Variants in FBRSL1 observed in about 807,000 individuals in gnomAD.
FBRSL1 encodes fibrosin-1-like protein.
In FBRSL1, 51 loss-of-function variants were observed where a neutral mutation model predicts 89.6. That is an observed-to-expected ratio of 0.57 (90% confidence interval 0.45 to 0.72). The LOEUF (loss-of-function observed/expected upper bound fraction) is 0.72, where lower values mean the gene tolerates loss of function less well. Among genes scored for constraint, FBRSL1 ranks in the 30% least tolerant of loss-of-function variants. FBRSL1 has a pLI of 0.00. For synonymous variants in FBRSL1, 779 were observed against 681.1 expected, an observed-to-expected ratio of 1.14 and a Z score of -2.24; for missense variants, 1,618 against 1,451.8, an observed-to-expected ratio of 1.11 and a Z score of -1.86.
chr12:132,576,813 C>A lies in FBRSL1; in HGVS notation c.1716C>A (p.Asp572Glu). The A allele has an allele frequency of 1.3e-6, 2 of 1,550,798 alleles. No homozygotes were observed. Among genetic ancestry groups the A allele is most frequent in the African/African-American group, 2.7e-5 (2 of 73,134 alleles). The change falls in exon 15 of 19, where the codon GAC (aspartate) becomes GAA (glutamate). Residue 572 changes from aspartate to glutamate, a missense_variant. By Grantham distance (45) the Asp-to-Glu change is conservative. Coordinates refer to ENST00000680143, the MANE Select transcript of FBRSL1 (RefSeq NM_001367871.1). ...TATCCTCCCAGGAGATGCAGCTGGACCCCCACAAGCTGGAGGTGGGTGCAA... is the reference window on the plus strand; with the variant it reads ...TATCCTCCCAGGAGATGCAGCTGGAACCCCACAAGCTGGAGGTGGGTGCAA... ...HQQKIKEMQLDPHKLEVGAKL... is the reference protein window; with the variant it reads ...HQQKIKEMQLEPHKLEVGAKL...
Position 132,574,489 on chromosome 12 carries a change from G to T in FBRSL1, c.1630-4G>T, listed in dbSNP as rs751875705. ...CCCCACTGAGCGCTTCCATCCTGTC[G>T]CAGAAGCCGGGGAGGTGGTGTGCCG... On this transcript the variant is annotated splice_region_variant and splice_polypyrimidine_tract_variant and intron_variant, in intron 13 of 18. Transcript: ENST00000680143. The T allele has an allele frequency of 4.5e-6, 7 of 1,549,960 alleles. No individual in the cohort carries two copies. The highest frequency in any genetic ancestry group is 5.2e-6 in the Non-Finnish European group (6 of 1,146,674).
At chr12:132,573,580 A>G (rs1364992236) in intron 11 of FBRSL1, among the ~76,000 whole-genome samples, 3 of 152,178 alleles carry the variant, frequency 2.0e-5, no homozygotes, top group African/African-American at 7.2e-5. Context: ...GAGGGAAGGA[A>G]TCTGTCCCGG....
intron 1 of FBRSL1, among the ~76,000 whole-genome samples, chr12:132,501,264 A>G (rs898724008): frequency 6.6e-6 from 1 of 152,162 alleles, no homozygotes; most frequent in Middle Eastern, 3.2e-3. Context: ...GCACAGCTGG[A>G]CTAGAATTCC....
chr12:132,497,154 G>A (rs938807243), intron 1 of FBRSL1, among the ~76,000 whole-genome samples: 5 of 152,220 alleles, frequency 3.3e-5, no homozygotes, highest in Non-Finnish European at 7.3e-5. Context: ...ACGTCAAAAT[G>A]GCATAAGAAT....
chr12:132,582,856 G>T, intron 18 of FBRSL1, 115 bp from the exon 19 acceptor site: 1 of 816,740 alleles, frequency 1.2e-6, no homozygotes, highest in Non-Finnish European at 1.7e-6. Context: ...GGTGCTGAGG[G>T]GTCACCGGCC....
At position 132,508,345 on chromosome 12, in the gene FBRSL1, A is replaced by C; in HGVS notation, c.484A>C (p.Lys162Gln). ...GARKVPLQPS[K>Q]QMKVTVSKGG... ...GAGAAAGGTCCCACTGCAGCCCTCCAAGCAGGTGAGCAGGTCCCTCCCCGA... is the reference window on the plus strand; with the variant it reads ...GAGAAAGGTCCCACTGCAGCCCTCCCAGCAGGTGAGCAGGTCCCTCCCCGA... The change falls in exon 2 of 19, where the codon AAG becomes CAG. Residue 162 changes from lysine (K) to glutamine (Q), a missense_variant. Lys to Gln is a moderately conservative substitution (Grantham distance 53, BLOSUM62 1). Transcript: ENST00000680143. 1 of 1,520,716 alleles carries C rather than the reference A, an allele frequency of 6.6e-7. No individual in the cohort carries two copies. The highest frequency in any genetic ancestry group is 1.4e-5 in the African/African-American group (1 of 72,212). 94.2% of individuals were successfully genotyped at this position (1,520,716 alleles called of 1,614,324 possible).
At chr12:132,516,878 A>G (rs2034889521) in intron 2 of FBRSL1, among the ~76,000 whole-genome samples, 1 of 152,198 alleles carries the variant, frequency 6.6e-6, no homozygotes, top group Admixed American at 6.5e-5. Context: ...GGATGTTACT[A>G]AATAGTTCAT....
In FBRSL1 at chr12:132,582,146, A is replaced by C; in HGVS notation, c.2081A>C (p.His694Pro). The C allele has an allele frequency of 6.5e-7, 1 of 1,549,900 alleles. No homozygotes were observed. Among genetic ancestry groups the C allele is most frequent in the Admixed American group, 2.0e-5 (1 of 50,986 alleles). The change falls in exon 18 of 19, where the codon CAC (histidine) becomes CCC (proline). Residue 694 changes from histidine (H) to proline (P), a missense_variant. His to Pro is a moderately conservative substitution (Grantham distance 77, BLOSUM62 -2). Transcript: ENST00000680143. The part of the protein sequence containing the change: ...PSPHEAWNRL[H>P]RAPPSFPAPP... Reference sequence around the variant, plus strand: ...CCCCATGAGGCCTGGAACCGACTGCACCGGGCACCGCCCTCCTTCCCGGCT... The same window carrying C: ...CCCCATGAGGCCTGGAACCGACTGCCCCGGGCACCGCCCTCCTTCCCGGCT...
intron 5 of FBRSL1, among the ~76,000 whole-genome samples, chr12:132,549,038 A>T (rs1475809032): frequency 2.0e-5 from 3 of 151,966 alleles, no homozygotes; most frequent in East Asian, 3.9e-4. Flanking sequence ...CTCACAGCTG[A>T]GGGCCCGGTG....
At chr12:132,524,199 C>T (rs1374259411) in intron 2 of FBRSL1, among the ~76,000 whole-genome samples, 1 of 152,252 alleles carries the variant, frequency 6.6e-6, no homozygotes. Flanking sequence ...GCAGCCTGGC[C>T]AGGGCCTGTG....
chr12:132,581,885 T>G, intron 17 of FBRSL1, 61 bp downstream of exon 17: 1 of 1,435,384 alleles, frequency 7.0e-7, no homozygotes, highest in South Asian at 1.4e-5. Context: ...CATGCCTGTG[T>G]CCTCTGCAGG....
At chr12:132,503,783 A>G (rs1173397313) in intron 1 of FBRSL1, among the ~76,000 whole-genome samples, 1 of 152,184 alleles carries the variant, frequency 6.6e-6, no homozygotes, top group Non-Finnish European at 1.5e-5. Context: ...CAGACTGAAC[A>G]CAGTTGAGAG....
intron 5 of FBRSL1, chr12:132,559,955 C>T (rs928910813): frequency 6.8e-6 from 1 of 147,850 alleles, no homozygotes; most frequent in African/African-American, 2.4e-5. Context: ...GCGCTCCCGC[C>T]TCCCGCGCGC....
chr12:132,512,609 A>G (rs2034466960), intron 2 of FBRSL1, among the ~76,000 whole-genome samples: 1 of 151,958 alleles, frequency 6.6e-6, no homozygotes, highest in Non-Finnish European at 1.5e-5. Context: ...CCCTCTTTCC[A>G]CTTTCAGGCC....
rs2039931981 is a variant in FBRSL1 at position 132,570,448 on chromosome 12, A to G, written c.1121A>G (p.Gln374Arg). The part of the protein sequence containing the change: ...HLALRSQAQH[Q>R]LHAAMFAAPP... ...GCGCTCCGGTCCCAGGCGCAGCACCAGCTCCACGCGGCCATGTTTGCCGCA... is the reference window on the plus strand; with the variant it reads ...GCGCTCCGGTCCCAGGCGCAGCACCGGCTCCACGCGGCCATGTTTGCCGCA... The change falls in exon 8 of 19, where the codon CAG becomes CGG. Residue 374 changes from glutamine (Q) to arginine (R), a missense_variant. Gln to Arg is a conservative substitution (Grantham distance 43, BLOSUM62 1). Coordinates refer to ENST00000680143, the MANE Select transcript of FBRSL1 (RefSeq NM_001367871.1). 1 of 1,534,354 alleles carries G rather than the reference A, an allele frequency of 6.5e-7. No individual in the cohort carries two copies. Among genetic ancestry groups the G allele is most frequent in the Non-Finnish European group, 8.7e-7 (1 of 1,145,646 alleles).
At position 132,547,985 on chromosome 12, in the gene FBRSL1, G is replaced by A. The variant is rs1367782491; in HGVS notation, c.616-18G>A. ...GTTGGTGGGGCCCCGACTCACTTCT[G>A]TCTCTCTGTCCCTGCAGTGTGACAG... On this transcript the variant is annotated intron_variant, in intron 4 of 18. Transcript: ENST00000680143. 1.3e-6 allele frequency: 2 copies of A among 1,549,646 alleles called. No homozygotes were observed. The highest frequency in any genetic ancestry group is 1.7e-6 in the Non-Finnish European group (2 of 1,146,508).
intron 5 of FBRSL1, among the ~76,000 whole-genome samples, chr12:132,558,547 G>A (rs1310805828): frequency 1.3e-5 from 2 of 152,238 alleles, no homozygotes; most frequent in Non-Finnish European, 2.9e-5. Context: ...GTTGGTAAAG[G>A]GAGTACGTGT....
At chr12:132,526,174 G>A (rs796480229) in intron 3 of FBRSL1, among the ~76,000 whole-genome samples, 1 of 152,266 alleles carries the variant, frequency 6.6e-6, no homozygotes, top group African/African-American at 2.4e-5. Context: ...AGCCTTGGAC[G>A]CTGTGCCTGC....
At chr12:132,575,909 A>G (rs143507664) in intron 14 of FBRSL1, among the ~76,000 whole-genome samples, 1 of 152,338 alleles carries the variant, frequency 6.6e-6, no homozygotes, top group Non-Finnish European at 1.5e-5. Flanking sequence ...CGCAGTCACC[A>G]GGACAGTGGG....
Sources: allele counts gnomAD v4.1 joint callset (sites outside exome capture counted in the v4.1 genomes callset), GRCh38; gene constraint gnomAD v4.1.1; transcripts MANE v1.5; gene names NCBI Gene and HGNC (gene_info 2026-07-23, HGNC 2026-07-21).